PAFAH1B1: variants seen among roughly 807,000 people sequenced by gnomAD.
PAFAH1B1 encodes the protein platelet activating factor acetylhydrolase 1b regulatory subunit 1.
PAFAH1B1 carries 2 observed loss-of-function variants against 57.5 expected under a neutral mutation model. The observed-to-expected ratio is 0.03, with a 90% CI of 0.01 to 0.11. The LOEUF (loss-of-function observed/expected upper bound fraction) is 0.11, where lower values mean the gene tolerates loss of function less well. Among genes scored for constraint, PAFAH1B1 ranks in the 10% least tolerant of loss-of-function variants. The probability of loss-of-function intolerance (pLI) is 1.00; values close to 1 mark genes in which losing one functional copy is unlikely to be tolerated. For synonymous variants in PAFAH1B1, 152 were observed against 169.6 expected, an observed-to-expected ratio of 0.90 and a Z score of 0.81; for missense variants, 257 against 512.0, an observed-to-expected ratio of 0.50 and a Z score of 4.81.
intron 1 of PAFAH1B1, among the ~76,000 whole-genome samples, chr17:2,606,973 C>T (rs1567524970): frequency 1.3e-5 from 2 of 150,200 alleles, no homozygotes; most frequent in Non-Finnish European, 3.0e-5. Context: ...TACAGGTGCC[C>T]GCCACCACGC....
At chr17:2,668,316 T>C (rs564684531) in intron 5 of PAFAH1B1, among the ~76,000 whole-genome samples, 1 of 147,972 alleles carries the variant, frequency 6.8e-6, no homozygotes, top group South Asian at 2.1e-4. Context: ...AGAGCGAGAC[T>C]GTCTCAAAAA....
At chr17:2,616,210 A>T (rs139178387) in intron 1 of PAFAH1B1, among the ~76,000 whole-genome samples, 1 of 152,292 alleles carries the variant, frequency 6.6e-6, no homozygotes, top group Non-Finnish European at 1.5e-5. Context: ...AGAGTGAAGA[A>T]TATTCATTCT....
In PAFAH1B1 at chr17:2,683,534, A is replaced by T. The variant is rs2069419074; in HGVS notation, c.*1732A>T. On this transcript the variant is annotated 3_prime_UTR_variant, in exon 11 of 11. Coordinates refer to ENST00000397195, the MANE Select transcript of PAFAH1B1 (RefSeq NM_000430.4). ...GAGACTAGGCCGTATATTAACTAGAAGCAGCTTTATGTCTAGCTTGTGTCT... is the reference window on the plus strand; with the variant it reads ...GAGACTAGGCCGTATATTAACTAGATGCAGCTTTATGTCTAGCTTGTGTCT... 1 of 152,236 alleles carries T rather than the reference A, an allele frequency of 6.6e-6. No individual in the cohort carries two copies. The highest frequency in any genetic ancestry group is 2.1e-4 in the South Asian group (1 of 4,836). 9.4% of individuals were successfully genotyped at this position (152,236 alleles called of 1,614,324 possible). A position where few individuals can be genotyped will look rare whatever the true frequency, so the allele number is the denominator to read the frequency against.
intron 8 of PAFAH1B1, among the ~76,000 whole-genome samples, chr17:2,675,910 TAA>T (rs1299702064): frequency 1.3e-5 from 2 of 152,208 alleles, no homozygotes; most frequent in Admixed American, 6.5e-5. Flanking sequence ...GTTGGATTTG[TAA>T]AAGTTAAATT....
chr17:2,611,169 A>G (rs1466638930), intron 1 of PAFAH1B1, among the ~76,000 whole-genome samples: 2 of 152,182 alleles, frequency 1.3e-5, no homozygotes, highest in South Asian at 4.1e-4. Flanking sequence ...TGGTAAAAAC[A>G]TTAAGAAATA....
chr17:2,646,498 CA>C (rs2068771138), intron 2 of PAFAH1B1, among the ~76,000 whole-genome samples: 1 of 152,034 alleles, frequency 6.6e-6, no homozygotes, highest in Admixed American at 6.6e-5. Flanking sequence ...ACTAAAAATA[CA>C]AAAATTAGCC....
At chr17:2,636,612 T>C (rs564695395) in intron 1 of PAFAH1B1, among the ~76,000 whole-genome samples, 1 of 152,292 alleles carries the variant, frequency 6.6e-6, no homozygotes, top group Admixed American at 6.5e-5. Flanking sequence ...TTGGCCAGGC[T>C]GGTCGCAAAC....
At chr17:2,668,250 C>G (rs1203675565) in intron 5 of PAFAH1B1, among the ~76,000 whole-genome samples, 1 of 149,646 alleles carries the variant, frequency 6.7e-6, no homozygotes. Flanking sequence ...CGCTTGAACC[C>G]AGGAGACAGG....
At chr17:2,623,448 C>A (rs905163070) in intron 1 of PAFAH1B1, among the ~76,000 whole-genome samples, 6 of 151,680 alleles carry the variant, frequency 4.0e-5, no homozygotes, top group African/African-American at 1.5e-4. Flanking sequence ...TTAGTAGAGA[C>A]AGGGTTTCAG....
chr17:2,599,724 T>C (rs533235647), intron 1 of PAFAH1B1, among the ~76,000 whole-genome samples: 1 of 152,240 alleles, frequency 6.6e-6, no homozygotes, highest in South Asian at 2.1e-4. Context: ...TTTGACAGAA[T>C]TCTTAAGTAT....
At chr17:2,617,517 C>A (rs539059702) in intron 1 of PAFAH1B1, among the ~76,000 whole-genome samples, 21 of 152,288 alleles carry the variant, frequency 1.4e-4, no homozygotes, top group African/African-American at 5.1e-4. Context: ...TACTGATAAA[C>A]CAACCTGATC....
At chr17:2,672,569 C>A (rs962495906) in intron 6 of PAFAH1B1, 86 bp from the exon 7 acceptor site, 36 of 915,270 alleles carry the variant, frequency 3.9e-5, no homozygotes, top group Admixed American at 2.0e-4. Context: ...ATAGTGAAAC[C>A]CCATGGTAAA....
intron 7 of PAFAH1B1, among the ~76,000 whole-genome samples, chr17:2,673,063 C>T (rs527313339): frequency 8.0e-5 from 12 of 150,658 alleles, no homozygotes; most frequent in Non-Finnish European, 1.5e-4. Flanking sequence ...AGTGAGACTC[C>T]GTCTCAAAAA....
intron 1 of PAFAH1B1, among the ~76,000 whole-genome samples, chr17:2,635,061 G>T (rs2068604336): frequency 6.6e-6 from 1 of 151,930 alleles, no homozygotes; most frequent in Non-Finnish European, 1.5e-5. Flanking sequence ...TACTCAGGAG[G>T]CTGAGGCAGG....
At chr17:2,662,378 TTGTG>T (rs57918293) in intron 2 of PAFAH1B1, among the ~76,000 whole-genome samples, 11,277 of 123,546 alleles carry the variant, frequency 0.091, 570 homozygotes, top group African/African-American at 0.14. Flanking sequence ...TTTAACCTCT[TTGTG>T]TGTGTGTGTG....
chr17:2,610,392 A>G (rs2068254170), intron 1 of PAFAH1B1, among the ~76,000 whole-genome samples: 1 of 152,236 alleles, frequency 6.6e-6, no homozygotes, highest in African/African-American at 2.4e-5. Context: ...CAGGCAGAGC[A>G]CAGATTTGAC....
intron 2 of PAFAH1B1, among the ~76,000 whole-genome samples, chr17:2,648,759 G>T (rs1597551219): frequency 6.8e-6 from 1 of 146,862 alleles, no homozygotes; most frequent in African/African-American, 2.5e-5. Context: ...ATTCCTGATG[G>T]TTAAAAAAAA....
chr17:2,618,874 G>T (rs1200278513), intron 1 of PAFAH1B1, among the ~76,000 whole-genome samples: 7 of 143,532 alleles, frequency 4.9e-5, no homozygotes, highest in Non-Finnish European at 9.0e-5. Context: ...AGAATCACTT[G>T]AACCCAGGAG....
At chr17:2,594,801 T>C (rs1597503366) in intron 1 of PAFAH1B1, among the ~76,000 whole-genome samples, 1 of 152,200 alleles carries the variant, frequency 6.6e-6, no homozygotes, top group African/African-American at 2.4e-5. Flanking sequence ...TAATCTCATC[T>C]CCCTGCCCCT....
Sources: allele counts gnomAD v4.1 joint callset (sites outside exome capture counted in the v4.1 genomes callset), GRCh38; gene constraint gnomAD v4.1.1; transcripts MANE v1.5; gene names NCBI Gene and HGNC (gene_info 2026-07-23, HGNC 2026-07-21).